Variants in PAQR3 observed in about 807,000 individuals in gnomAD.
PAQR3 encodes Raf kinase trapping to Golgi.
A neutral mutation model predicts 41.7 loss-of-function variants in PAQR3; 39 were observed. The ratio of observed to expected loss-of-function variants is 0.93; its 90% CI spans 0.72 to 1.22. The LOEUF (loss-of-function observed/expected upper bound fraction) is 1.22. Ranked by LOEUF, PAQR3 falls within the 50% of genes most tolerant of loss-of-function variation. The probability of loss-of-function intolerance (pLI) is 0.00; values close to 1 mark genes in which losing one functional copy is unlikely to be tolerated. For missense variants in PAQR3, 366 were observed against 385.6 expected (o/e 0.95, Z 0.42); for synonymous variants, 140 against 140.6 (o/e 1.00, Z 0.03).
At chr4:78,934,401 G>A (rs532878390) in intron 2 of PAQR3, among the ~76,000 whole-genome samples, 1 of 152,328 alleles carries the variant, frequency 6.6e-6, no homozygotes, top group African/African-American at 2.4e-5. Context: ...TCTGTCATGA[G>A]AAAGGGGGAT....
downstream of PAQR3, among the ~76,000 whole-genome samples, chr4:78,909,449 A>C (rs1362908944): frequency 6.6e-6 from 1 of 152,190 alleles, no homozygotes. Context: ...ATGTATAATG[A>C]AATATACGCT....
chr4:78,896,253 T>C (rs2110086785), intron 11 of PAQR3, among the ~76,000 whole-genome samples: 1 of 152,360 alleles, frequency 6.6e-6, no homozygotes, highest in Admixed American at 6.5e-5. Flanking sequence ...TATCAAATTT[T>C]GGCAGTTTTT....
chr4:78,896,792 A>G lies in PAQR3; in HGVS notation c.*837-8644T>C, dbSNP rs578008100. Among the ~76,000 whole-genome samples, 9 of 152,322 alleles carry G rather than the reference A, an allele frequency of 5.9e-5. No homozygotes were observed. In the East Asian group the frequency reaches 1.5e-3, roughly 26 times the overall value. ...GCAAATCCATCAAGAAGAGTTTGCA[A>G]TATTTTAAATAATTCTTTATTGAAT... On this transcript the variant is annotated intron_variant and NMD_transcript_variant, in intron 11 of 12. Transcript: ENST00000342820.
Position 78,939,399 on chromosome 4 carries a change from C to G in PAQR3, c.-175G>C, listed in dbSNP as rs1182830851. On this transcript the variant is annotated 5_prime_UTR_variant, in exon 1 of 6. Transcript: ENST00000512733. Reference sequence around the variant, plus strand: ...TCTGCGCTCACACCGGCCACTGCCGCCAGCGCCGCGGCGGACCCGGCAGCG... The same window carrying G: ...TCTGCGCTCACACCGGCCACTGCCGGCAGCGCCGCGGCGGACCCGGCAGCG... The G allele has an allele frequency of 2.6e-6, 1 of 378,246 alleles. No homozygotes were observed. The highest frequency in any genetic ancestry group is 4.2e-6 in the Non-Finnish European group (1 of 239,674). 23.4% of individuals were successfully genotyped at this position (378,246 alleles called of 1,614,324 possible). A position where few individuals can be genotyped will look rare whatever the true frequency, so the allele number is the denominator to read the frequency against.
At chr4:78,897,622 T>C (rs962043715) in intron 11 of PAQR3, among the ~76,000 whole-genome samples, 2 of 152,214 alleles carry the variant, frequency 1.3e-5, no homozygotes, top group Non-Finnish European at 2.9e-5. Context: ...TTTTTGATCC[T>C]TTTTCTTGCT....
At chr4:78,935,395 T>TA in intron 1 of PAQR3, 112 bp from the exon 2 acceptor site, 1 of 787,446 alleles carries the variant, frequency 1.3e-6, no homozygotes, top group Non-Finnish European at 1.9e-6. Flanking sequence ...TTTAAGCTCT[T>TA]ACCCCACCTG....
In PAQR3 at chr4:78,920,664, C is replaced by T. The variant is rs754070447; in HGVS notation, c.811G>A (p.Gly271Arg). Reference sequence around the variant, plus strand: ...ATATGCCATATTTGGTGGCTTGATCCGAGGTAGTTTAGTTGTCCTGGAAAG... The same window carrying T: ...ATATGCCATATTTGGTGGCTTGATCTGAGGTAGTTTAGTTGTCCTGGAAAG... ...RYFPGQLNYL[G>R]SSHQIWHILA... Residue 271 changes from glycine to arginine, a missense_variant, in exon 6 of 6, where the codon GGA (glycine) becomes AGA (arginine). Transcript: ENST00000512733. 3.8e-5 allele frequency: 61 copies of T among 1,606,310 alleles called. No individual in the cohort carries two copies. Among genetic ancestry groups the T allele is most frequent in the Non-Finnish European group, 4.6e-5 (54 of 1,175,854 alleles).
In PAQR3 at chr4:78,939,207, C is replaced by T. The variant is rs139417001; in HGVS notation, c.18G>A (p.Leu6=). ...CCAGCTCGATGTAATGCGCGCTCTT[C>T]AGCAGCTTCTGATGCATCGTTCCCG... is the stretch of plus-strand genomic sequence containing the variant. MHQKL[L]KSAHYIELGS... Residue 6 remains leucine, a synonymous_variant, in exon 1 of 6, where the codon CTG becomes CTA. Transcript: ENST00000512733. 6.9e-5 allele frequency: 111 copies of T among 1,602,336 alleles called. No individual in the cohort carries two copies. The African/African-American group carries it at 1.3e-3, about 19-fold the overall frequency.
chr4:78,896,162 A>G (rs1733687943), intron 11 of PAQR3, among the ~76,000 whole-genome samples: 1 of 152,184 alleles, frequency 6.6e-6, no homozygotes, highest in Admixed American at 6.5e-5. Flanking sequence ...ATTATAAATG[A>G]CATTCATTTT....
At chr4:78,894,661 C>T (rs6857012) in intron 11 of PAQR3, among the ~76,000 whole-genome samples, 19,556 of 152,172 alleles carry the variant, frequency 0.13, 2,286 homozygotes, top group African/African-American at 0.31. Flanking sequence ...TCCTTTCTTA[C>T]CGTTCATCAC....
At chr4:78,910,912 A>G (rs1016831468), downstream of PAQR3, 2 of 1,613,812 alleles carry the variant, frequency 1.2e-6, no homozygotes. Context: ...GCCTCTCCTC[A>G]TGGATTCTGA....
Position 78,918,777 on chromosome 4 carries a change from A to G in PAQR3, c.*1762T>C. ...ATGATTTTCCCCTCATTTTTAACTT[A>G]AGTGTAACTACTCAGTGTCTTTTGT... On this transcript the variant is annotated 3_prime_UTR_variant, in exon 6 of 6. Transcript: ENST00000512733. 1 of 984,108 alleles carries G rather than the reference A, an allele frequency of 1.0e-6. No individual in the cohort carries two copies. The allele number at this position is 984,108 out of a possible 1,614,324, so 61.0% of individuals were successfully genotyped here.
At position 78,915,437 on chromosome 4, in the gene PAQR3, ATATT is replaced by A. The variant is rs985994596; in HGVS notation, c.*5098_*5101del. 15 of 151,964 alleles carry A rather than the reference ATATT, an allele frequency of 9.9e-5. No individual in the cohort carries two copies. The highest frequency in any genetic ancestry group is 3.6e-4 in the African/African-American group (15 of 41,516). 9.4% of individuals were successfully genotyped at this position (151,964 alleles called of 1,614,324 possible). On this transcript the variant is annotated 3_prime_UTR_variant, in exon 6 of 6. Coordinates refer to ENST00000512733, the MANE Select transcript of PAQR3 (RefSeq NM_001040202.2). ...GCGCTTGGGTACATTTGTTTTTAAT[ATATT>A]TAGAATGTGCAGTAAACTTTTTTCT...
chr4:78,907,700 G>T (rs375231145), downstream of PAQR3, among the ~76,000 whole-genome samples: 39 of 152,298 alleles, frequency 2.6e-4, no homozygotes, highest in Admixed American at 6.5e-4. Flanking sequence ...AGGTGAGTAG[G>T]AGTGGAGGCA....
chr4:78,909,372 T>A (rs74286896), downstream of PAQR3, among the ~76,000 whole-genome samples: 266 of 151,752 alleles, frequency 1.8e-3, 3 homozygotes, highest in African/African-American at 6.2e-3. Context: ...CATTTTTTTT[T>A]ATGTAAACCT....
At chr4:78,897,925 G>A (rs1386853808) in intron 11 of PAQR3, among the ~76,000 whole-genome samples, 7 of 152,228 alleles carry the variant, frequency 4.6e-5, no homozygotes. Context: ...CAATTAAGAT[G>A]CAAATGCTAC....
rs1736692492 is a variant in PAQR3, at chr4:78,930,174, T to C, written c.500A>G (p.Asn167Ser). The change falls in exon 3 of 6, where the codon AAT becomes AGT. Residue 167 changes from asparagine to serine, a missense_variant. Asn to Ser is a conservative substitution (Grantham distance 46). Transcript: ENST00000512733. ...VSGVFYAFYCNNYWRQVYLIT... is the reference protein window; with the variant it reads ...VSGVFYAFYCSNYWRQVYLIT... ...AAAATGTTTTCATCTACTTACGTTA[T>C]TACAATAAAATGCGTAAAATACTCC... The C allele has an allele frequency of 6.2e-7, 1 of 1,607,332 alleles. No homozygotes were observed. The highest frequency in any genetic ancestry group is 8.5e-7 in the Non-Finnish European group (1 of 1,178,080).
chr4:78,917,158 A>G lies in PAQR3; in HGVS notation c.*3381T>C, dbSNP rs1735162785. Reference sequence around the variant, plus strand: ...GCAATTTGAGCTATTTATTTTGGATAACGAATACCTTTTTAAGGAAGCCCA... The same window carrying G: ...GCAATTTGAGCTATTTATTTTGGATGACGAATACCTTTTTAAGGAAGCCCA... On this transcript the variant is annotated 3_prime_UTR_variant, in exon 6 of 6. Coordinates refer to ENST00000512733, the MANE Select transcript of PAQR3 (RefSeq NM_001040202.2). 1 of 152,016 alleles carries G rather than the reference A, an allele frequency of 6.6e-6. No individual in the cohort carries two copies. Among genetic ancestry groups the G allele is most frequent in the Non-Finnish European group, 1.5e-5 (1 of 67,910 alleles). The allele number at this position is 152,016 out of a possible 1,614,324, so 9.4% of individuals were successfully genotyped here.
intron 11 of PAQR3, among the ~76,000 whole-genome samples, chr4:78,891,364 T>A (rs888965039): frequency 6.6e-6 from 1 of 152,184 alleles, no homozygotes; most frequent in Non-Finnish European, 1.5e-5. Flanking sequence ...ATTCAAGATG[T>A]TGTACCTTTT....
Sources: gnomAD v4.1 joint callset for allele counts (sites outside exome capture counted in the v4.1 genomes callset) on GRCh38, gnomAD v4.1.1 for gene constraint, MANE v1.5 for transcripts, NCBI Gene and HGNC (gene_info 2026-07-23, HGNC 2026-07-21) for gene names.